Variants in UGT2B7 observed in about 807,000 individuals in gnomAD.
UGT2B7 encodes UDP-glucuronosyltransferase 2B7.
In UGT2B7, 51 loss-of-function variants were observed where a neutral mutation model predicts 51.9. That is an observed-to-expected ratio of 0.98 (90% confidence interval 0.78 to 1.24). The LOEUF is 1.24. Ranked by LOEUF, UGT2B7 falls within the 50% of genes most tolerant of loss-of-function variation. The pLI is 0.00. For missense variants in UGT2B7, 727 were observed against 628.4 expected (o/e 1.16, Z -1.68); for synonymous variants, 225 against 211.6 (o/e 1.06, Z -0.55).
intron 1 of UGT2B7, among the ~76,000 whole-genome samples, chr4:69,059,239 A>G (rs1718285705): frequency 6.6e-6 from 1 of 152,222 alleles, no homozygotes; most frequent in Admixed American, 6.5e-5. Flanking sequence ...CTATAGGGCC[A>G]CTATCCAAGA....
chr4:69,086,474 A>T (rs1024753252), intron 1 of UGT2B7, among the ~76,000 whole-genome samples: 1 of 151,868 alleles, frequency 6.6e-6, no homozygotes, highest in African/African-American at 2.4e-5. Context: ...ATGTTCTGTA[A>T]ATGTCCGTGT....
upstream of UGT2B7, among the ~76,000 whole-genome samples, chr4:69,092,318 T>C (rs1032554436): frequency 1.3e-5 from 2 of 152,180 alleles, no homozygotes; most frequent in Non-Finnish European, 2.9e-5. Flanking sequence ...TTAATTGAAT[T>C]GGGTGGAATT....
intron 1 of UGT2B7, among the ~76,000 whole-genome samples, chr4:69,072,151 C>T (rs1163386829): frequency 6.6e-6 from 1 of 152,058 alleles, no homozygotes; most frequent in Non-Finnish European, 1.5e-5. Context: ...TTGATAGAGA[C>T]TCATAAAATC....
At position 69,082,684 on chromosome 4, in the gene UGT2B7, A is replaced by G. The variant is rs531216743; in HGVS notation, c.-158-6788A>G. Among the ~76,000 whole-genome samples, 10 of 152,222 alleles carry G rather than the reference A, an allele frequency of 6.6e-5. No homozygotes were observed. In the South Asian group the frequency reaches 2.1e-3, roughly 32 times the overall value. On this transcript the variant is annotated intron_variant, in intron 1 of 5. Coordinates refer to the UGT2B7 transcript ENST00000502942. ...ATGAGGCTGAGAAAAAAATAAATCT[A>G]TCTCTATAACAAAGAAGTACAAAGT...
intron 1 of UGT2B7, among the ~76,000 whole-genome samples, chr4:69,097,824 T>C (rs1719291592): frequency 6.6e-6 from 1 of 152,092 alleles, no homozygotes; most frequent in African/African-American, 2.4e-5. Context: ...ATCATTAATT[T>C]AAAGTCCAAT....
chr4:69,088,669 C>T (rs1038169830), intron 1 of UGT2B7, among the ~76,000 whole-genome samples: 21 of 152,126 alleles, frequency 1.4e-4, no homozygotes, highest in African/African-American at 4.8e-4. Context: ...GACTCCTCAG[C>T]GTGGCATTCC....
At chr4:69,059,297 A>T (rs761552318) in intron 1 of UGT2B7, among the ~76,000 whole-genome samples, 1 of 152,238 alleles carries the variant, frequency 6.6e-6, no homozygotes, top group Non-Finnish European at 1.5e-5. Flanking sequence ...AAAGAGGCCC[A>T]TCGGTTGGTC....
At chr4:69,095,109 T>C (rs1719186462), upstream of UGT2B7, among the ~76,000 whole-genome samples, 1 of 152,226 alleles carries the variant, frequency 6.6e-6, no homozygotes, top group Non-Finnish European at 1.5e-5. Flanking sequence ...GACCAACAGT[T>C]TCATATGCTT....
At chr4:69,090,373 C>T (rs1345566107) in intron 2 of UGT2B7, among the ~76,000 whole-genome samples, 1 of 152,046 alleles carries the variant, frequency 6.6e-6, no homozygotes, top group Non-Finnish European at 1.5e-5. Flanking sequence ...TTTCACATAG[C>T]TTTCCCATAA....
In UGT2B7 at chr4:69,112,595, C is replaced by A. The variant is rs1242562255; in HGVS notation, c.1449C>A (p.Leu483=). ...ACCTTCGGGTTGCAGCCCACGACCTCACCTGGTTCCAGTACCACTCTTTGG... is the reference window on the plus strand; with the variant it reads ...ACCTTCGGGTTGCAGCCCACGACCTAACCTGGTTCCAGTACCACTCTTTGG... The part of the protein sequence containing the change: ...AKHLRVAAHD[L]TWFQYHSLDV... The change falls in exon 6 of 6, where the codon CTC becomes CTA. Residue 483 remains leucine, a synonymous_variant. Coordinates refer to ENST00000305231, the MANE Select transcript of UGT2B7 (RefSeq NM_001074.4). The A allele has an allele frequency of 6.2e-7, 1 of 1,613,970 alleles. No individual in the cohort carries two copies. The highest frequency in any genetic ancestry group is 8.5e-7 in the Non-Finnish European group (1 of 1,179,886).
At chr4:69,094,044 T>C (rs2109881130), upstream of UGT2B7, among the ~76,000 whole-genome samples, 1 of 152,278 alleles carries the variant, frequency 6.6e-6, no homozygotes, top group African/African-American at 2.4e-5. Context: ...CAAGGCATAC[T>C]TCTGAGATGT....
intron 3 of UGT2B7, among the ~76,000 whole-genome samples, chr4:69,104,138 T>C (rs563863661): frequency 6.6e-6 from 1 of 151,872 alleles, no homozygotes; most frequent in Non-Finnish European, 1.5e-5. Context: ...ATAGAAAAAA[T>C]TACACAGGCA....
In UGT2B7 at chr4:69,098,359, C is replaced by T. The variant is rs73823860; in HGVS notation, c.722-181C>T. 0.033 allele frequency among the ~76,000 whole-genome samples: 5,055 copies of T among 151,998 alleles called. 119 individuals are homozygous for T. Among genetic ancestry groups the T allele is most frequent in the Middle Eastern group, 0.11 (33 of 294 alleles). On this transcript the variant is annotated intron_variant, in intron 1 of 5. Coordinates refer to ENST00000305231, the MANE Select transcript of UGT2B7 (RefSeq NM_001074.4). Reference sequence around the variant, plus strand: ...TACTACTTTGTCTTTCTTATAAATACACATGGGCAAAATATGTAATACATA... The same window carrying T: ...TACTACTTTGTCTTTCTTATAAATATACATGGGCAAAATATGTAATACATA...
At chr4:69,057,604 A>C (rs998861891) in intron 1 of UGT2B7, among the ~76,000 whole-genome samples, 3 of 152,242 alleles carry the variant, frequency 2.0e-5, no homozygotes, top group Non-Finnish European at 4.4e-5. Context: ...GCACTATTAC[A>C]AAAGCTCAGA....
intron 1 of UGT2B7, among the ~76,000 whole-genome samples, chr4:69,086,727 G>A (rs1383948022): frequency 6.6e-6 from 1 of 151,596 alleles, no homozygotes; most frequent in Admixed American, 6.6e-5. Flanking sequence ...TTATACAATG[G>A]CCAACTTCTT....
chr4:69,054,498 G>A (rs530571006), intron 1 of UGT2B7, among the ~76,000 whole-genome samples: 1 of 152,264 alleles, frequency 6.6e-6, no homozygotes, highest in South Asian at 2.1e-4. Context: ...AGCTTGCTCT[G>A]TGAAAATCCC....
chr4:69,083,444 G>C (rs1427461333), intron 1 of UGT2B7, among the ~76,000 whole-genome samples: 1 of 151,912 alleles, frequency 6.6e-6, no homozygotes, highest in African/African-American at 2.4e-5. Context: ...TGATTCATAG[G>C]AGCAGGTCAA....
chr4:69,112,507 T>C lies in UGT2B7; in HGVS notation c.1361T>C (p.Val454Ala). The C allele has an allele frequency of 6.2e-7, 1 of 1,613,944 alleles. No individual in the cohort carries two copies. Among genetic ancestry groups the C allele is most frequent in the Non-Finnish European group, 8.5e-7 (1 of 1,179,854 alleles). Residue 454 changes from valine to alanine, a missense_variant, in exon 6 of 6, where the codon GTG becomes GCG. Physicochemically the swap from Val to Ala is moderately conservative, Grantham distance 64. Coordinates refer to ENST00000305231, the MANE Select transcript of UGT2B7 (RefSeq NM_001074.4). The stretch of plus-strand genomic sequence containing the variant: ...TCAAGAATTCAACATGATCAACCAG[T>C]GAAGCCCCTGGATCGAGCAGTCTTC... The part of the protein sequence containing the change: ...KLSRIQHDQP[V>A]KPLDRAVFWI...
intron 1 of UGT2B7, chr4:69,089,361 A>T (rs1174501359): frequency 1.3e-5 from 2 of 152,222 alleles, no homozygotes; most frequent in African/African-American, 2.4e-5. Flanking sequence ...ATATAGGGAC[A>T]ATATAACTAT....
Sources: allele counts gnomAD v4.1 joint callset (sites outside exome capture counted in the v4.1 genomes callset), GRCh38; gene constraint gnomAD v4.1.1; transcripts MANE v1.5; gene names NCBI Gene and HGNC (gene_info 2026-07-23, HGNC 2026-07-21).